KANSL1: variants seen among roughly 807,000 people sequenced by gnomAD.
KANSL1 encodes the protein MLL1/MLL complex subunit KANSL1.
In KANSL1, 22 loss-of-function variants were observed where a neutral mutation model predicts 103.6. The observed-to-expected ratio is 0.21, with a 90% CI of 0.15 to 0.30. The LOEUF (loss-of-function observed/expected upper bound fraction) is 0.30. Among genes scored for constraint, KANSL1 ranks in the 10% least tolerant of loss-of-function variants. The pLI is 1.00. For missense variants in KANSL1, 1,337 were observed against 1,399.8 expected (o/e 0.96, Z 0.72); for synonymous variants, 600 against 527.6 (o/e 1.14, Z -1.88).
intron 2 of KANSL1, among the ~76,000 whole-genome samples, chr17:46,140,055 C>G (rs2044342528): frequency 6.6e-6 from 1 of 152,212 alleles, no homozygotes; most frequent in African/African-American, 2.4e-5. Flanking sequence ...GTAATCCCTT[C>G]CCTTCCTCCA....
In KANSL1 at chr17:46,066,639, T is replaced by C. The variant is rs1043066688; in HGVS notation, c.1746A>G (p.Ser582=). Residue 582 remains serine, a synonymous_variant, in exon 6 of 15, where the codon TCA becomes TCG. Coordinates refer to ENST00000432791, the MANE Select transcript of KANSL1 (RefSeq NM_015443.4). ...CTGCCACACAGGTGCCATCAGATGA[T>C]GAAGAGACGAGATTCAGTCGTTGCT... ...HKKQRLNLVS[S]SSDGTCVAAR... 4 of 1,614,060 alleles carry C rather than the reference T, an allele frequency of 2.5e-6. No individual in the cohort carries two copies. Among genetic ancestry groups the C allele is most frequent in the Non-Finnish European group, 3.4e-6 (4 of 1,180,042 alleles).
chr17:46,102,697 T>C (rs1257770271), intron 2 of KANSL1, among the ~76,000 whole-genome samples: 1 of 152,234 alleles, frequency 6.6e-6, no homozygotes, highest in Non-Finnish European at 1.5e-5. Context: ...AGCCAAGCAT[T>C]TAGCCCACCA....
chr17:46,084,697 T>TAAAAAAAAAAAAAAAAAAAAAAA (rs67108405), intron 3 of KANSL1, among the ~76,000 whole-genome samples: 2 of 74,488 alleles, frequency 2.7e-5, no homozygotes, highest in African/African-American at 1.1e-4. Context: ...TTTTAAAAAT[T>TAAAAAAAAAAAAAAAAAAAAAAA]AAAAAAAAAA....
intron 1 of KANSL1, among the ~76,000 whole-genome samples, chr17:46,210,909 G>A (rs1385142464): frequency 6.6e-6 from 1 of 152,212 alleles, no homozygotes; most frequent in Non-Finnish European, 1.5e-5. Context: ...CTTGCTCTAA[G>A]CAGTTCCCGT....
rs2076958325 is a variant in KANSL1, at chr17:46,029,954, TC to T, written c.*1521del. 1 of 146,928 alleles carries T rather than the reference TC, an allele frequency of 6.8e-6. No homozygotes were observed. Among genetic ancestry groups the T allele is most frequent in the Admixed American group, 6.9e-5 (1 of 14,412 alleles). The allele number at this position is 146,928 out of a possible 1,614,324, so 9.1% of individuals were successfully genotyped here. On this transcript the variant is annotated 3_prime_UTR_variant, in exon 15 of 15. Transcript: ENST00000432791. ...TTTTTTATTTTTTTCAATTTTTCCT[TC>T]TTTTTTTTTTTTAAGCACTAGTCTG...
At chr17:46,112,197 T>C (rs991438142) in intron 2 of KANSL1, among the ~76,000 whole-genome samples, 1 of 151,696 alleles carries the variant, frequency 6.6e-6, no homozygotes, top group Admixed American at 6.6e-5. Flanking sequence ...TGAAACCCCA[T>C]CTCTACTAAA....
chr17:46,207,067 G>A (rs1340321915), intron 1 of KANSL1, among the ~76,000 whole-genome samples: 1 of 152,036 alleles, frequency 6.6e-6, no homozygotes, highest in African/African-American at 2.4e-5. Flanking sequence ...AGACCTGCCA[G>A]AGCAATATAG....
At chr17:46,187,815 T>C (rs931720975) in intron 1 of KANSL1, among the ~76,000 whole-genome samples, 1 of 151,140 alleles carries the variant, frequency 6.6e-6, no homozygotes, top group East Asian at 1.9e-4. Flanking sequence ...AATCTTCATA[T>C]AAAATGTTTG....
At chr17:46,132,351 TG>T (rs2043906187) in intron 2 of KANSL1, among the ~76,000 whole-genome samples, 1 of 152,224 alleles carries the variant, frequency 6.6e-6, no homozygotes, top group Non-Finnish European at 1.5e-5. Flanking sequence ...GCACAATGCC[TG>T]GCACATAGTC....
intron 2 of KANSL1, among the ~76,000 whole-genome samples, chr17:46,135,111 C>T (rs919276782): frequency 2.6e-5 from 4 of 152,058 alleles, no homozygotes; most frequent in African/African-American, 9.7e-5. Flanking sequence ...TCTATACAGC[C>T]TCTACTACAA....
intron 2 of KANSL1, among the ~76,000 whole-genome samples, chr17:46,123,014 T>A (rs1381004576): frequency 6.6e-6 from 1 of 152,266 alleles, no homozygotes; most frequent in Non-Finnish European, 1.5e-5. Context: ...TCTACAGCTC[T>A]CGCTTTAAAT....
In KANSL1 at chr17:46,031,479, T is replaced by C; in HGVS notation, c.3315A>G (p.Arg1105=). The change falls in exon 15 of 15, where the codon AGA becomes AGG. Residue 1105 remains arginine, a synonymous_variant. Coordinates refer to ENST00000432791, the MANE Select transcript of KANSL1 (RefSeq NM_015443.4). ...AAATAQRPTH[R] Reference sequence around the variant, plus strand: ...TGTTTAGATGGCTGTCTCCCGCTCATCTGTGAGTCGGGCGCTGAGCTGTGG... The same window carrying C: ...TGTTTAGATGGCTGTCTCCCGCTCACCTGTGAGTCGGGCGCTGAGCTGTGG... The C allele has an allele frequency of 6.2e-7, 1 of 1,603,892 alleles. No homozygotes were observed. The highest frequency in any genetic ancestry group is 8.5e-7 in the Non-Finnish European group (1 of 1,172,862).
intron 13 of KANSL1, 51 bp from the exon 14 acceptor site, chr17:46,032,350 G>T (rs761823833): frequency 4.8e-6 from 7 of 1,460,162 alleles, no homozygotes; most frequent in Non-Finnish European, 6.3e-6. Context: ...TTTACTTATG[G>T]GGGTAGAGGG....
chr17:46,106,840 CAAAA>C (rs1466181497), intron 2 of KANSL1, among the ~76,000 whole-genome samples: 1 of 129,602 alleles, frequency 7.7e-6, no homozygotes, highest in African/African-American at 2.5e-5. Flanking sequence ...ACAAAACAAA[CAAAA>C]AAGTGAATAA....
At chr17:46,061,122 T>C (rs1045124538) in intron 6 of KANSL1, among the ~76,000 whole-genome samples, 5 of 152,182 alleles carry the variant, frequency 3.3e-5, no homozygotes, top group African/African-American at 1.2e-4. Flanking sequence ...TTTTCAACCA[T>C]TCATTTCCAA....
At chr17:46,219,830 A>T (rs1597995493) in intron 1 of KANSL1, among the ~76,000 whole-genome samples, 1 of 152,350 alleles carries the variant, frequency 6.6e-6, no homozygotes, top group East Asian at 1.9e-4. Context: ...TCGGCTGGGC[A>T]CGGTGGCCCA....
At chr17:46,129,281 T>C (rs2043728431) in intron 2 of KANSL1, among the ~76,000 whole-genome samples, 1 of 152,198 alleles carries the variant, frequency 6.6e-6, no homozygotes, top group Non-Finnish European at 1.5e-5. Flanking sequence ...TGGCAAATAC[T>C]GGTACGATGT....
intron 2 of KANSL1, among the ~76,000 whole-genome samples, chr17:46,102,173 A>G (rs2042350017): frequency 6.6e-6 from 1 of 152,242 alleles, no homozygotes; most frequent in Non-Finnish European, 1.5e-5. Context: ...GTCTTAACCC[A>G]TTCTCATCTG....
At chr17:46,205,274 A>G (rs1418388827) in intron 1 of KANSL1, among the ~76,000 whole-genome samples, 1 of 152,262 alleles carries the variant, frequency 6.6e-6, no homozygotes, top group East Asian at 1.9e-4. Context: ...CAGTTACAGG[A>G]TACAAGCTCA....
Sources: gnomAD v4.1 joint callset for allele counts (sites outside exome capture counted in the v4.1 genomes callset) on GRCh38, gnomAD v4.1.1 for gene constraint, MANE v1.5 for transcripts, NCBI Gene and HGNC (gene_info 2026-07-23, HGNC 2026-07-21) for gene names.